The following MTHFD2L variants were observed in gnomAD, a reference collection of about 807,000 sequenced individuals.
MTHFD2L encodes methylenetetrahydrofolate dehydrogenase (NADP+ dependent) 2 like.
A neutral mutation model predicts 34.9 loss-of-function variants in MTHFD2L; 29 were observed. That is an observed-to-expected ratio of 0.83 (90% CI 0.62 to 1.13). The LOEUF (loss-of-function observed/expected upper bound fraction) is 1.13. Ranked by LOEUF, MTHFD2L falls within the 50% of genes most tolerant of loss-of-function variation. The probability of loss-of-function intolerance (pLI) is 0.00; values close to 1 mark genes in which losing one functional copy is unlikely to be tolerated. For synonymous variants in MTHFD2L, 167 were observed against 155.7 expected (o/e 1.07, Z -0.54); for missense variants, 481 against 446.5 (o/e 1.08, Z -0.70).
At chr4:74,268,201 G>C (rs1037270044) in intron 6 of MTHFD2L, 35 of 982,186 alleles carry the variant, frequency 3.6e-5, no homozygotes, top group Admixed American at 6.4e-5. Context: ...ACTAATGTAG[G>C]CTCTATTTAT....
intron 5 of MTHFD2L, among the ~76,000 whole-genome samples, chr4:74,206,458 C>T (rs1360442077): frequency 1.3e-5 from 2 of 152,008 alleles, no homozygotes; most frequent in African/African-American, 4.8e-5. Context: ...TAAGAAGGCA[C>T]ATAATTAGAT....
intron 7 of MTHFD2L, among the ~76,000 whole-genome samples, chr4:74,290,571 A>T (rs1748755542): frequency 6.6e-6 from 1 of 152,146 alleles, no homozygotes; most frequent in African/African-American, 2.4e-5. Context: ...GTGAAGATTA[A>T]ATGAAATAAT....
intron 6 of MTHFD2L, among the ~76,000 whole-genome samples, chr4:74,272,800 A>G (rs1746163069): frequency 6.6e-6 from 1 of 152,184 alleles, no homozygotes; most frequent in South Asian, 2.1e-4. Context: ...TCACAAGAAA[A>G]TGAGCAGAAA....
chr4:74,275,619 T>C (rs567895049), intron 6 of MTHFD2L, among the ~76,000 whole-genome samples: 2 of 152,168 alleles, frequency 1.3e-5, no homozygotes, highest in African/African-American at 2.4e-5. Flanking sequence ...GCTTCTTGAC[T>C]TTTTAGTAAT....
intron 1 of MTHFD2L, chr4:74,164,869 CAGTAGGCTGGGCTT>C: frequency 8.1e-6 from 5 of 615,054 alleles, no homozygotes; most frequent in Non-Finnish European, 1.0e-5. Flanking sequence ...GCTAGCCCAG[CAGTAGGCTGGGCTT>C]TTGGAAGGGA....
chr4:74,296,364 G>T (rs1242881247), intron 7 of MTHFD2L, among the ~76,000 whole-genome samples: 1 of 152,124 alleles, frequency 6.6e-6, no homozygotes, highest in African/African-American at 2.4e-5. Context: ...GGCTACTGTA[G>T]TAGATTATAA....
chr4:74,205,023 C>A (rs923248679), intron 5 of MTHFD2L, among the ~76,000 whole-genome samples: 1 of 152,038 alleles, frequency 6.6e-6, no homozygotes, highest in South Asian at 2.1e-4. Context: ...TACTTAGAAA[C>A]CAGATAATTA....
chr4:74,247,507 C>G (rs1254282649), intron 6 of MTHFD2L, among the ~76,000 whole-genome samples: 2 of 152,026 alleles, frequency 1.3e-5, no homozygotes, highest in Non-Finnish European at 2.9e-5. Flanking sequence ...CCAGAACTTC[C>G]AACACTATGT....
chr4:74,131,998 A>G (rs1722548479), intron 1 of MTHFD2L, among the ~76,000 whole-genome samples: 1 of 152,246 alleles, frequency 6.6e-6, no homozygotes, highest in African/African-American at 2.4e-5. Context: ...AAAGCTCATT[A>G]TCACTGGTCA....
chr4:74,192,031 C>T (rs1470110477), intron 3 of MTHFD2L, among the ~76,000 whole-genome samples: 1 of 151,934 alleles, frequency 6.6e-6, no homozygotes, highest in Non-Finnish European at 1.5e-5. Flanking sequence ...TATTGAGTGC[C>T]TCTATGGTCC....
intron 3 of MTHFD2L, among the ~76,000 whole-genome samples, chr4:74,198,467 A>T (rs1005840872): frequency 6.6e-6 from 1 of 151,946 alleles, no homozygotes; most frequent in African/African-American, 2.4e-5. Context: ...CTAAAAATAG[A>T]TACTCCAAAT....
intron 3 of MTHFD2L, among the ~76,000 whole-genome samples, chr4:74,189,259 C>T (rs1731999097): frequency 6.6e-6 from 1 of 151,898 alleles, no homozygotes; most frequent in South Asian, 2.1e-4. Flanking sequence ...GAAAAAATAC[C>T]CAATATTTTG....
intron 7 of MTHFD2L, among the ~76,000 whole-genome samples, chr4:74,296,345 G>A (rs1276953975): frequency 6.6e-6 from 1 of 152,104 alleles, no homozygotes; most frequent in Non-Finnish European, 1.5e-5. Context: ...GGTGGACTGG[G>A]AGCCAAGAGG....
chr4:74,149,674 C>T (rs1723810113), intron 1 of MTHFD2L, among the ~76,000 whole-genome samples: 2 of 152,084 alleles, frequency 1.3e-5, no homozygotes, highest in African/African-American at 4.8e-5. Context: ...GAAAGAAGCA[C>T]CTAGATTTAT....
upstream of MTHFD2L, among the ~76,000 whole-genome samples, chr4:74,154,780 G>T (rs1215130225): frequency 6.6e-6 from 1 of 152,112 alleles, no homozygotes; most frequent in Middle Eastern, 3.2e-3. Context: ...TGGGCTGAAG[G>T]TGTGCTTATT....
intron 5 of MTHFD2L, among the ~76,000 whole-genome samples, chr4:74,216,894 C>A (rs1737299857): frequency 6.6e-6 from 1 of 151,802 alleles, no homozygotes; most frequent in Non-Finnish European, 1.5e-5. Flanking sequence ...CTGCATCCAC[C>A]CTTGTCCCAT....
intron 5 of MTHFD2L, among the ~76,000 whole-genome samples, chr4:74,213,806 A>C (rs1044368247): frequency 1.2e-4 from 18 of 152,298 alleles, no homozygotes; most frequent in South Asian, 8.3e-4. Context: ...AGTGTTTTCC[A>C]ACTTGGTTCC....
intron 6 of MTHFD2L, among the ~76,000 whole-genome samples, chr4:74,235,507 G>A (rs1258833466): frequency 6.6e-6 from 1 of 152,150 alleles, no homozygotes; most frequent in African/African-American, 2.4e-5. Context: ...AAGTCCAGGA[G>A]AGGGTTGAGA....
chr4:74,299,020 CAAGT>C (rs1749969022), intron 7 of MTHFD2L, among the ~76,000 whole-genome samples: 2 of 151,798 alleles, frequency 1.3e-5, no homozygotes, highest in African/African-American at 4.8e-5. Flanking sequence ...TAATTCTTGG[CAAGT>C]AATTAATAAG....
Sources: gnomAD v4.1 joint callset for allele counts (sites outside exome capture counted in the v4.1 genomes callset) on GRCh38, gnomAD v4.1.1 for gene constraint, MANE v1.5 for transcripts, NCBI Gene and HGNC (gene_info 2026-07-23, HGNC 2026-07-21) for gene names.